UBE2Q2: variants seen among roughly 807,000 people sequenced by gnomAD.
UBE2Q2 encodes ubiquitin conjugating enzyme E2 Q2, also known as ubiquitin-conjugating enzyme E2 Q2.
UBE2Q2 carries 54 observed loss-of-function variants against 59.9 expected under a neutral mutation model. The observed-to-expected ratio is 0.90, with a 90% CI of 0.72 to 1.13. The LOEUF is 1.13. Ranked by LOEUF, UBE2Q2 falls within the 50% of genes most tolerant of loss-of-function variation. The pLI is 0.00. For missense variants in UBE2Q2, 433 were observed against 441.9 expected, an observed-to-expected ratio of 0.98 and a Z score of 0.18; for synonymous variants, 165 against 155.2, an observed-to-expected ratio of 1.06 and a Z score of -0.47.
rs1416725868 is a variant in UBE2Q2, at chr15:75,843,672, C to T, written c.6C>T (p.Ser2=). M[S]VSGLKAELKF... ...CCGCCGGAGATGAGGGGAAGATGTCCGTGTCAGGGCTCAAGGCCGAGCTGA... is the reference window on the plus strand; with the variant it reads ...CCGCCGGAGATGAGGGGAAGATGTCTGTGTCAGGGCTCAAGGCCGAGCTGA... Residue 2 remains serine (S), a synonymous_variant, in exon 1 of 13, where the codon TCC becomes TCT. Transcript: ENST00000267938. The T allele has an allele frequency of 8.7e-6, 14 of 1,602,058 alleles. No individual in the cohort carries two copies. Among genetic ancestry groups the T allele is most frequent in the Non-Finnish European group, 1.2e-5 (14 of 1,175,336 alleles).
chr15:75,887,614 A>G (rs1007920262), intron 9 of UBE2Q2, among the ~76,000 whole-genome samples: 7 of 147,850 alleles, frequency 4.7e-5, no homozygotes, highest in African/African-American at 1.8e-4. Context: ...CACCCTGGCT[A>G]TTCATCTTTC....
At chr15:75,897,896 C>T (rs1899521504) in intron 12 of UBE2Q2, among the ~76,000 whole-genome samples, 1 of 152,028 alleles carries the variant, frequency 6.6e-6, no homozygotes, top group East Asian at 1.9e-4. Context: ...GTTTTGTGCT[C>T]ATTTATTTTA....
rs930870169 is a variant in UBE2Q2, at chr15:75,844,119, G to C, written c.180+273G>C. On this transcript the variant is annotated intron_variant, in intron 1 of 12. Transcript: ENST00000267938. ...CTCGGTCCCCGTCTCCTAGCCCCGA[G>C]GGGGGAGTCCGCGGCGGCCCAAGCC... The C allele has an allele frequency of 7.1e-6, 10 of 1,412,958 alleles. No individual in the cohort carries two copies. The South Asian group carries it at 1.1e-4, about 15-fold the overall frequency. 87.5% of individuals were successfully genotyped at this position (1,412,958 alleles called of 1,614,324 possible). A position where few individuals can be genotyped will look rare whatever the true frequency, so the allele number is the denominator to read the frequency against.
rs140704388 is a variant in UBE2Q2 at position 75,887,140 on chromosome 15, C to T, written c.885-3295C>T. 5.8e-3 allele frequency among the ~76,000 whole-genome samples: 885 copies of T among 152,270 alleles called. 4 individuals are homozygous for T. The highest frequency in any genetic ancestry group is 9.1e-3 in the Non-Finnish European group (616 of 68,016). ...CAGCTTGTGACCTACTCAAATAAAT[C>T]TTCTGATTCCTAATAAAGTGTCTTT... is the stretch of plus-strand genomic sequence containing the variant. On this transcript the variant is annotated intron_variant, in intron 9 of 12. Coordinates refer to ENST00000267938, the MANE Select transcript of UBE2Q2 (RefSeq NM_173469.4).
At chr15:75,898,481 C>A (rs1899560732) in intron 12 of UBE2Q2, among the ~76,000 whole-genome samples, 1 of 152,104 alleles carries the variant, frequency 6.6e-6, no homozygotes, top group Admixed American at 6.5e-5. Context: ...ACCTAGGCAT[C>A]ACCTTACATA....
intron 1 of UBE2Q2, among the ~76,000 whole-genome samples, chr15:75,850,307 CT>C (rs973069440): frequency 6.6e-6 from 1 of 152,210 alleles, no homozygotes; most frequent in Non-Finnish European, 1.5e-5. Context: ...CTGCTCATCT[CT>C]TTTCTCCGAT....
At chr15:75,897,154 T>G in intron 12 of UBE2Q2, 93 bp downstream of exon 12, 1 of 593,894 alleles carries the variant, frequency 1.7e-6, no homozygotes. Flanking sequence ...TTTGCTTTAG[T>G]TTCTTAAAAT....
intron 3 of UBE2Q2, among the ~76,000 whole-genome samples, chr15:75,862,814 C>CA (rs71140182): frequency 0.019 from 1,047 of 53,762 alleles, 14 homozygotes; most frequent in South Asian, 0.039. Flanking sequence ...AACCCTATCT[C>CA]AAAAAAAAAA....
chr15:75,880,419 G>A (rs1335202722), intron 8 of UBE2Q2, among the ~76,000 whole-genome samples: 2 of 151,492 alleles, frequency 1.3e-5, no homozygotes, highest in Non-Finnish European at 2.9e-5. Flanking sequence ...GGCCTAATAA[G>A]TATTTTAAAG....
chr15:75,886,588 T>C (rs1310734422), intron 9 of UBE2Q2, among the ~76,000 whole-genome samples: 3 of 152,098 alleles, frequency 2.0e-5, no homozygotes, highest in African/African-American at 7.2e-5. Context: ...AGAATAAATA[T>C]ATAAAAACAT....
At chr15:75,861,924 C>T (rs534737071) in intron 3 of UBE2Q2, among the ~76,000 whole-genome samples, 3 of 152,288 alleles carry the variant, frequency 2.0e-5, no homozygotes, top group East Asian at 1.9e-4. Flanking sequence ...ATGTCTGAGA[C>T]GACTTCTTCA....
At chr15:75,898,357 T>G (rs1015636895) in intron 12 of UBE2Q2, among the ~76,000 whole-genome samples, 3 of 151,272 alleles carry the variant, frequency 2.0e-5, no homozygotes, top group Non-Finnish European at 4.4e-5. Context: ...TAGGGTTTTG[T>G]TTTTTTTTAA....
intron 1 of UBE2Q2, among the ~76,000 whole-genome samples, chr15:75,852,580 A>G (rs952197579): frequency 1.3e-5 from 2 of 152,250 alleles, no homozygotes; most frequent in African/African-American, 4.8e-5. Context: ...GAAGTTTACT[A>G]GACAAATACT....
intron 3 of UBE2Q2, 92 bp from the exon 4 acceptor site, chr15:75,868,859 A>G (rs1897637596): frequency 4.7e-6 from 5 of 1,052,996 alleles, no homozygotes; most frequent in Non-Finnish European, 7.2e-6. Context: ...CCAGTGACAG[A>G]TGTTTGAGAG....
At chr15:75,891,190 TACTAATTGA>T (rs1899082245) in intron 11 of UBE2Q2, among the ~76,000 whole-genome samples, 176 bp downstream of exon 11, 2 of 152,214 alleles carry the variant, frequency 1.3e-5, no homozygotes, top group Admixed American at 1.3e-4. Context: ...AAATTAAAGA[TACTAATTGA>T]TAATCACTTA....
rs756733004 is a variant in UBE2Q2 at position 75,860,007 on chromosome 15, C to A, written c.387+25C>A. 4.0e-6 allele frequency: 6 copies of A among 1,500,556 alleles called. No individual in the cohort carries two copies. The East Asian group carries it at 1.2e-4, about 29-fold the overall frequency. 93.0% of individuals were successfully genotyped at this position (1,500,556 alleles called of 1,614,324 possible). A position where few individuals can be genotyped will look rare whatever the true frequency, so the allele number is the denominator to read the frequency against. Reference sequence around the variant, plus strand: ...GGTAAAGTAAAAATTCTCTAGTGTTCAAGAGCTAAATAAATTGTCTCAAGC... The same window carrying A: ...GGTAAAGTAAAAATTCTCTAGTGTTAAAGAGCTAAATAAATTGTCTCAAGC... On this transcript the variant is annotated intron_variant, in intron 3 of 12. Transcript: ENST00000267938.
chr15:75,847,132 G>A (rs199957708), intron 1 of UBE2Q2, among the ~76,000 whole-genome samples: 1 of 152,210 alleles, frequency 6.6e-6, no homozygotes, highest in East Asian at 1.9e-4. Context: ...GGTGGCAGGG[G>A]AGAATATTTT....
At chr15:75,844,193 G>A (rs1896190913) in intron 1 of UBE2Q2, 2 of 1,412,938 alleles carry the variant, frequency 1.4e-6, no homozygotes, top group Non-Finnish European at 1.9e-6. Flanking sequence ...CGGGACCGGG[G>A]CGGGGCGGGG....
At chr15:75,849,855 A>G (rs1008696005) in intron 1 of UBE2Q2, among the ~76,000 whole-genome samples, 12 of 152,234 alleles carry the variant, frequency 7.9e-5, no homozygotes, top group Non-Finnish European at 1.5e-4. Flanking sequence ...TGTACGGGAA[A>G]ACTGCCTGAA....
Sources: allele counts gnomAD v4.1 joint callset (sites outside exome capture counted in the v4.1 genomes callset), GRCh38; gene constraint gnomAD v4.1.1; transcripts MANE v1.5; gene names NCBI Gene and HGNC (gene_info 2026-07-23, HGNC 2026-07-21).